The following RYR3 variants were observed in gnomAD, a reference collection of about 807,000 sequenced individuals.
RYR3 encodes brain ryanodine receptor-calcium release channel.
Under a neutral mutation model 584.3 loss-of-function variants are expected in RYR3, and 207 were observed. The ratio of observed to expected loss-of-function variants is 0.35; its 90% CI spans 0.32 to 0.40. The LOEUF (loss-of-function observed/expected upper bound fraction) is 0.40, where lower values mean the gene tolerates loss of function less well. Among genes scored for constraint, RYR3 ranks in the 10% least tolerant of loss-of-function variants. The pLI is 1.00. For missense variants in RYR3, 5,616 were observed against 6,089.2 expected (o/e 0.92, Z 2.59); for synonymous variants, 2,416 against 2,248.5 (o/e 1.07, Z -2.11).
chr15:33,736,484 G>C (rs1299886964), intron 49 of RYR3, among the ~76,000 whole-genome samples, 159 bp downstream of exon 49: 1 of 152,122 alleles, frequency 6.6e-6, no homozygotes, highest in Non-Finnish European at 1.5e-5. Context: ...ACAAAACCAA[G>C]TCCTTTCTTG....
At chr15:33,772,913 C>T (rs914470406) in intron 63 of RYR3, among the ~76,000 whole-genome samples, 1 of 152,180 alleles carries the variant, frequency 6.6e-6, no homozygotes, top group African/African-American at 2.4e-5. Flanking sequence ...GTAGTCCCGG[C>T]CTTGGTATGA....
chr15:33,476,386 G>A (rs1315703645), intron 2 of RYR3, among the ~76,000 whole-genome samples: 1 of 152,200 alleles, frequency 6.6e-6, no homozygotes, highest in Non-Finnish European at 1.5e-5. Context: ...TAAATTTCAA[G>A]CAAGATAAGA....
At position 33,623,909 on chromosome 15, in the gene RYR3, A is replaced by G; in HGVS notation, c.2460A>G (p.Arg820=). 6.2e-7 allele frequency: 1 copy of G among 1,613,878 alleles called. No individual in the cohort carries two copies. The highest frequency in any genetic ancestry group is 8.5e-7 in the Non-Finnish European group (1 of 1,179,788). ...YEALLPKEKM[R]LEPVKEYKRD... ...CCTTACTTCCAAAAGAGAAGATGAGATTGGAGCCTGTCAAAGAATATAAAC... is the reference window on the plus strand; with the variant it reads ...CCTTACTTCCAAAAGAGAAGATGAGGTTGGAGCCTGTCAAAGAATATAAAC... Residue 820 remains arginine, a synonymous_variant, in exon 20 of 104, where the codon AGA becomes AGG. Coordinates refer to ENST00000634891, the MANE Select transcript of RYR3 (RefSeq NM_001036.6).
At chr15:33,848,495 G>T in intron 94 of RYR3, 74 bp downstream of exon 94, 1 of 1,498,244 alleles carries the variant, frequency 6.7e-7, no homozygotes, top group Non-Finnish European at 9.0e-7. Context: ...TTTCCTCCTG[G>T]CCTTAAAACT....
chr15:33,397,823 T>C lies in RYR3; in HGVS notation c.52-75596T>C, dbSNP rs1212138823. On this transcript the variant is annotated intron_variant, in intron 1 of 103. Transcript: ENST00000634891. ...GCTATTCTGTCAGTCTTACGATCTC[T>C]ATTTTAATATTAATTCTGGCCAGTT... Among the ~76,000 whole-genome samples the C allele has an allele frequency of 2.0e-5, 3 of 152,182 alleles. No individual in the cohort carries two copies. The East Asian group carries it at 5.8e-4, about 29-fold the overall frequency.
chr15:33,569,182 A>G (rs889116159), intron 12 of RYR3, among the ~76,000 whole-genome samples: 1 of 152,196 alleles, frequency 6.6e-6, no homozygotes, highest in African/African-American at 2.4e-5. Context: ...AAGTTTTCAG[A>G]TATGGTTTCC....
intron 14 of RYR3, among the ~76,000 whole-genome samples, chr15:33,583,702 A>G (rs1595708444): frequency 1.3e-5 from 2 of 151,930 alleles, no homozygotes; most frequent in South Asian, 2.1e-4. Context: ...AGGAGGATCA[A>G]TTGACGCCAA....
intron 86 of RYR3, among the ~76,000 whole-genome samples, chr15:33,834,087 A>G (rs1173142358): frequency 6.6e-6 from 1 of 152,088 alleles, no homozygotes; most frequent in Non-Finnish European, 1.5e-5. Context: ...TTTGAGACCA[A>G]CCTGGCCAAT....
At chr15:33,490,018 C>T (rs1023317828) in intron 2 of RYR3, among the ~76,000 whole-genome samples, 9 of 152,114 alleles carry the variant, frequency 5.9e-5, no homozygotes, top group African/African-American at 1.9e-4. Flanking sequence ...AAACAAAAAA[C>T]TTTTTTATTC....
At chr15:33,536,877 A>G (rs1358759976) in intron 5 of RYR3, among the ~76,000 whole-genome samples, 1 of 152,198 alleles carries the variant, frequency 6.6e-6, no homozygotes, top group Non-Finnish European at 1.5e-5. Context: ...TATAATATAC[A>G]TATTAAAACA....
intron 64 of RYR3, among the ~76,000 whole-genome samples, chr15:33,776,722 C>G (rs564663797): frequency 6.6e-6 from 1 of 152,262 alleles, no homozygotes; most frequent in African/African-American, 2.4e-5. Flanking sequence ...AAGGAACTTT[C>G]AAAATTGCAA....
chr15:33,335,487 A>C (rs988622801), intron 1 of RYR3, among the ~76,000 whole-genome samples: 1 of 152,184 alleles, frequency 6.6e-6, no homozygotes. Context: ...ATGAGAACAC[A>C]TGGACACATA....
intron 57 of RYR3, among the ~76,000 whole-genome samples, chr15:33,751,868 A>T (rs749159004): frequency 4.6e-5 from 7 of 152,080 alleles, no homozygotes; most frequent in Non-Finnish European, 1.0e-4. Context: ...TTTTGGTCTT[A>T]TGTTTAAGTC....
intron 38 of RYR3, among the ~76,000 whole-genome samples, chr15:33,685,746 A>C (rs1283104942): frequency 2.6e-5 from 4 of 152,214 alleles, no homozygotes; most frequent in Admixed American, 1.3e-4. Context: ...AACTGTCTCT[A>C]AGACCACAGT....
chr15:33,578,140 T>G (rs994606386), intron 12 of RYR3, among the ~76,000 whole-genome samples: 1 of 152,136 alleles, frequency 6.6e-6, no homozygotes, highest in Non-Finnish European at 1.5e-5. Context: ...GAAATAGGAA[T>G]GCTTTTAAAC....
intron 1 of RYR3, among the ~76,000 whole-genome samples, chr15:33,352,271 C>T: frequency 6.6e-6 from 1 of 152,034 alleles, no homozygotes; most frequent in Admixed American, 6.6e-5. Flanking sequence ...AATATTTTCC[C>T]CTTTCTGTGG....
intron 1 of RYR3, among the ~76,000 whole-genome samples, chr15:33,453,087 C>T (rs1198073192): frequency 6.6e-6 from 1 of 152,090 alleles, no homozygotes; most frequent in African/African-American, 2.4e-5. Flanking sequence ...GGGCAGCAGC[C>T]TGAACTGCAG....
intron 1 of RYR3, among the ~76,000 whole-genome samples, chr15:33,336,057 C>A: frequency 6.6e-6 from 1 of 152,010 alleles, no homozygotes; most frequent in Admixed American, 6.6e-5. Flanking sequence ...TAGCCTGGGT[C>A]CTCCAAAAAG....
chr15:33,351,393 T>G (rs1337375846), intron 1 of RYR3, among the ~76,000 whole-genome samples: 4 of 152,020 alleles, frequency 2.6e-5, no homozygotes, highest in Non-Finnish European at 5.9e-5. Flanking sequence ...GAGGGAATCC[T>G]CCCTAACTCA....
Sources: gnomAD v4.1 joint callset for allele counts (sites outside exome capture counted in the v4.1 genomes callset) on GRCh38, gnomAD v4.1.1 for gene constraint, MANE v1.5 for transcripts, NCBI Gene and HGNC (gene_info 2026-07-23, HGNC 2026-07-21) for gene names.